Variants in KIAA1671 observed in about 807,000 individuals in gnomAD.
KIAA1671 encodes KIAA1671.
In KIAA1671, 52 loss-of-function variants were observed where a neutral mutation model predicts 131.2. The observed-to-expected ratio is 0.40, with a 90% CI of 0.32 to 0.50. The LOEUF is 0.50. KIAA1671 is among the 20% of genes least tolerant of loss of function. The probability of loss-of-function intolerance (pLI) is 0.73; values close to 1 mark genes in which losing one functional copy is unlikely to be tolerated. For synonymous variants in KIAA1671, 1,003 were observed against 961.6 expected, an observed-to-expected ratio of 1.04 and a Z score of -0.80; for missense variants, 2,360 against 2,364.2, an observed-to-expected ratio of 1.00 and a Z score of 0.04.
chr22:25,170,007 G>A (rs1601378714), intron 6 of KIAA1671, among the ~76,000 whole-genome samples: 1 of 152,060 alleles, frequency 6.6e-6, no homozygotes, highest in Non-Finnish European at 1.5e-5. Context: ...TCCGCCTCCC[G>A]AGTTCACGCC....
chr22:25,031,813 T>C (rs1350677988), intron 3 of KIAA1671, among the ~76,000 whole-genome samples: 1 of 152,210 alleles, frequency 6.6e-6, no homozygotes, highest in Non-Finnish European at 1.5e-5. Context: ...GTGGGGAAAC[T>C]GAGGCTCTGA....
chr22:25,036,272 G>T (rs2052751321), intron 4 of KIAA1671, among the ~76,000 whole-genome samples: 1 of 151,760 alleles, frequency 6.6e-6, no homozygotes, highest in African/African-American at 2.4e-5. Flanking sequence ...TAGAGACAGG[G>T]TTTCTCCATG....
At chr22:25,062,263 T>A (rs1838241057) in intron 6 of KIAA1671, 1 of 153,104 alleles carries the variant, frequency 6.5e-6, no homozygotes, top group Non-Finnish European at 1.5e-5. Context: ...CTCCTCCTCC[T>A]CTTTTTTCTT....
chr22:25,122,266 C>T (rs1258913089), intron 6 of KIAA1671, among the ~76,000 whole-genome samples: 1 of 152,072 alleles, frequency 6.6e-6, no homozygotes, highest in Non-Finnish European at 1.5e-5. Context: ...GACACGCTTA[C>T]CAGTGTGACA....
chr22:25,042,491 G>A (rs1456334374), intron 5 of KIAA1671, among the ~76,000 whole-genome samples: 18 of 136,884 alleles, frequency 1.3e-4, no homozygotes, highest in South Asian at 7.1e-4. Flanking sequence ...TTTTGAGACG[G>A]AGTCTCACAC....
At chr22:25,033,567 TG>T (rs1926405612) in intron 4 of KIAA1671, among the ~76,000 whole-genome samples, 4 of 138,708 alleles carry the variant, frequency 2.9e-5, no homozygotes, top group Non-Finnish European at 6.1e-5. Flanking sequence ...TTGGTTGGTT[TG>T]TTTTCGTTTT....
chr22:25,039,104 G>C lies in KIAA1671; in HGVS notation c.1974G>C (p.Leu658=). The change falls in exon 5 of 13, where the codon CTG becomes CTC. Residue 658 remains leucine (L), a synonymous_variant. Coordinates refer to ENST00000358431, the MANE Select transcript of KIAA1671 (RefSeq NM_001145206.2). ...CGAGGCCTGAGATGGGCTCTTGGCT[G>C]GGCAGGGACCCACCAGACATGACAA... ...PRPRPEMGSW[L]GRDPPDMTKL... is the part of the protein sequence containing the mutation. The C allele has an allele frequency of 6.4e-7, 1 of 1,551,512 alleles. No homozygotes were observed. Among genetic ancestry groups the C allele is most frequent in the Non-Finnish European group, 8.7e-7 (1 of 1,147,006 alleles).
chr22:25,109,655 T>C (rs1931230255), intron 6 of KIAA1671, among the ~76,000 whole-genome samples: 1 of 152,210 alleles, frequency 6.6e-6, no homozygotes, highest in South Asian at 2.1e-4. Flanking sequence ...AATTCATTAG[T>C]TGATTCCTGT....
intron 1 of KIAA1671, among the ~76,000 whole-genome samples, chr22:24,973,851 G>A (rs757457099): frequency 1.3e-5 from 2 of 152,142 alleles, no homozygotes; most frequent in Non-Finnish European, 2.9e-5. Context: ...TTTGTCAAAT[G>A]AATGACTAAT....
intron 6 of KIAA1671, among the ~76,000 whole-genome samples, chr22:25,120,686 A>G (rs994188247): frequency 1.3e-5 from 2 of 152,252 alleles, no homozygotes; most frequent in Admixed American, 1.3e-4. Context: ...AACCACTCCT[A>G]GCATTGGAAT....
intron 9 of KIAA1671, among the ~76,000 whole-genome samples, chr22:25,181,064 TC>T (rs1471834641): frequency 6.6e-6 from 1 of 152,150 alleles, no homozygotes; most frequent in East Asian, 1.9e-4. Flanking sequence ...AGGTCTTGCC[TC>T]TTTCATCCCC....
At chr22:25,164,050 C>A (rs1454316972) in intron 6 of KIAA1671, among the ~76,000 whole-genome samples, 5 of 152,204 alleles carry the variant, frequency 3.3e-5, no homozygotes, top group African/African-American at 4.8e-5. Flanking sequence ...TCTTTGCCTG[C>A]AAGACAAGGG....
At chr22:25,190,434 G>A (rs1192420499) in intron 11 of KIAA1671, among the ~76,000 whole-genome samples, 2 of 152,344 alleles carry the variant, frequency 1.3e-5, no homozygotes, top group East Asian at 3.9e-4. Context: ...GTGTGGCCTT[G>A]TTCCTAACAG....
chr22:25,032,588 T>G (rs2145793779), intron 3 of KIAA1671, 21 bp from the exon 4 acceptor site: 1 of 1,494,272 alleles, frequency 6.7e-7, no homozygotes, highest in Admixed American at 2.0e-5. Context: ...TCCATGAAGG[T>G]AACTCAGATC....
intron 1 of KIAA1671, among the ~76,000 whole-genome samples, chr22:24,956,024 CAAAAAAA>C (rs1167493018): frequency 1.3e-4 from 7 of 51,910 alleles, no homozygotes; most frequent in Admixed American, 6.0e-4. Flanking sequence ...GACTCCGTCT[CAAAAAAA>C]AAAAAAAAAA....
chr22:25,162,812 A>G (rs1933491889), intron 6 of KIAA1671, among the ~76,000 whole-genome samples: 1 of 152,242 alleles, frequency 6.6e-6, no homozygotes, highest in East Asian at 1.9e-4. Context: ...TGCATTAACA[A>G]CAGCAGAATT....
At chr22:25,030,182 G>T (rs1047716797) in intron 3 of KIAA1671, among the ~76,000 whole-genome samples, 1 of 152,218 alleles carries the variant, frequency 6.6e-6, no homozygotes, top group African/African-American at 2.4e-5. Context: ...TAAGTCAGCT[G>T]GTTAATACCG....
rs1227130087 is a variant in KIAA1671 at position 25,135,359 on chromosome 22, G to T, written c.4531-35461G>T. Among the ~76,000 whole-genome samples the T allele has an allele frequency of 8.5e-5, 13 of 152,212 alleles. No homozygotes were observed. In the South Asian group the frequency reaches 2.7e-3, roughly 32 times the overall value. ...CGCCACCAAGCCTGGCTAATTTTTT[G>T]TATTTTTTAGTAGAGACGGGGTTTC... On this transcript the variant is annotated intron_variant, in intron 6 of 12. Transcript: ENST00000358431.
chr22:24,979,186 T>C (rs2123826276), intron 1 of KIAA1671, among the ~76,000 whole-genome samples: 1 of 144,804 alleles, frequency 6.9e-6, no homozygotes, highest in East Asian at 2.0e-4. Flanking sequence ...TTTTTTTTTT[T>C]TTTTTTTTAG....
Sources: gnomAD v4.1 joint callset for allele counts (sites outside exome capture counted in the v4.1 genomes callset) on GRCh38, gnomAD v4.1.1 for gene constraint, MANE v1.5 for transcripts, NCBI Gene and HGNC (gene_info 2026-07-23, HGNC 2026-07-21) for gene names.